Variants in MECR observed in about 807,000 individuals in gnomAD.
MECR encodes the protein enoyl-[acyl-carrier-protein] reductase, mitochondrial.
MECR carries 37 observed loss-of-function variants against 49.1 expected under a neutral mutation model. The observed-to-expected ratio is 0.75, with a 90% CI of 0.58 to 0.99. MECR has a LOEUF of 0.99. Ranked by LOEUF, MECR falls within the 50% of genes least tolerant of loss-of-function variation. The probability of loss-of-function intolerance (pLI) is 0.00; values close to 1 mark genes in which losing one functional copy is unlikely to be tolerated. For synonymous variants in MECR, 198 were observed against 191.1 expected, an observed-to-expected ratio of 1.04 and a Z score of -0.30; for missense variants, 470 against 479.6, an observed-to-expected ratio of 0.98 and a Z score of 0.19.
chr1:29,202,497 C>T (rs957277535), intron 5 of MECR, among the ~76,000 whole-genome samples: 8 of 152,044 alleles, frequency 5.3e-5, no homozygotes. Context: ...AAGCTGGTGT[C>T]GATTATACTA....
chr1:29,181,471 G>A, the MECR span, among the ~76,000 whole-genome samples: 2 of 152,196 alleles, frequency 1.3e-5, no homozygotes, highest in African/African-American at 4.8e-5. Context: ...CACCCGCGCA[G>A]GCGCAGTGGG....
At position 29,196,263 on chromosome 1, in the gene MECR, A is replaced by G. The variant is rs751829300; in HGVS notation, c.831-5T>C. On this transcript the variant is annotated splice_polypyrimidine_tract_variant and splice_region_variant and intron_variant, in intron 7 of 9. Transcript: ENST00000263702. ...GTTACCATGGTTCCTCCACGCCTGA[A>G]AAGTCCAAAGAGAACAAAGAGTGGA... 1 of 1,610,610 alleles carries G rather than the reference A, an allele frequency of 6.2e-7. No individual in the cohort carries two copies. The highest frequency in any genetic ancestry group is 8.5e-7 in the Non-Finnish European group (1 of 1,177,572).
chr1:29,187,193 C>T, the MECR span, among the ~76,000 whole-genome samples: 17 of 152,168 alleles, frequency 1.1e-4, no homozygotes, highest in African/African-American at 2.7e-4. Context: ...CAGCCTGGCA[C>T]ACACAGGTTA....
chr1:29,172,622 T>C, the MECR span: 1 of 152,192 alleles, frequency 6.6e-6, no homozygotes, highest in Admixed American at 6.5e-5. Context: ...TCCATGCTGT[T>C]GAAGTGCCCA....
At chr1:29,190,673 C>A (rs1553325782), downstream of MECR, among the ~76,000 whole-genome samples, 5 of 151,898 alleles carry the variant, frequency 3.3e-5, no homozygotes. Flanking sequence ...CAGGTAATCC[C>A]AGCTACTCGG....
rs549814501 is a variant in MECR, at chr1:29,212,799, T to G, written c.406+3206A>C. On this transcript the variant is annotated intron_variant, in intron 3 of 9. Coordinates refer to ENST00000263702, the MANE Select transcript of MECR (RefSeq NM_016011.5). ...CTCTCTGTTGGTACCCCTCGCACCG[T>G]GGATGCAGGACCGCTGGGACCCAGC... is the stretch of plus-strand genomic sequence containing the variant. 2.6e-5 allele frequency among the ~76,000 whole-genome samples: 4 copies of G among 152,330 alleles called. No individual in the cohort carries two copies. The East Asian group carries it at 7.7e-4, about 29-fold the overall frequency.
At chr1:29,183,573 G>A in the MECR span, among the ~76,000 whole-genome samples, 1 of 152,018 alleles carries the variant, frequency 6.6e-6, no homozygotes, top group South Asian at 2.1e-4. Flanking sequence ...ATCTCCAAGT[G>A]GTTTAATTTG....
chr1:29,184,162 G>A, the MECR span, among the ~76,000 whole-genome samples: 2 of 143,436 alleles, frequency 1.4e-5, no homozygotes, highest in South Asian at 4.4e-4. Context: ...ACAGGCGTGA[G>A]CCACTGTACC....
At chr1:29,229,205 AT>A (rs35185139) in intron 1 of MECR, among the ~76,000 whole-genome samples, 226 of 143,692 alleles carry the variant, frequency 1.6e-3, no homozygotes, top group Middle Eastern at 3.6e-3. Flanking sequence ...ATCTAGCTTG[AT>A]TTTTTTTTTT....
intron 7 of MECR, among the ~76,000 whole-genome samples, chr1:29,198,643 CTG>C (rs1324043362): frequency 6.6e-6 from 1 of 152,116 alleles, no homozygotes; most frequent in Non-Finnish European, 1.5e-5. Context: ...TTGAGACACA[CTG>C]TTTCTCTGAA....
chr1:29,213,837 ATGT>A (rs1370154448), intron 3 of MECR, among the ~76,000 whole-genome samples: 1 of 152,236 alleles, frequency 6.6e-6, no homozygotes, highest in Non-Finnish European at 1.5e-5. Flanking sequence ...TATCCATCTC[ATGT>A]TGTGGGAACA....
In MECR at chr1:29,201,879, C is replaced by A; in HGVS notation, c.756+64G>T. ...GGGCCAGTCCCCAGTTTCTCTAATG[C>A]ATGTCAACTTTCTTCAGGGAGATGT... is the stretch of plus-strand genomic sequence containing the variant. On this transcript the variant is annotated intron_variant, in intron 6 of 9. Coordinates refer to ENST00000263702, the MANE Select transcript of MECR (RefSeq NM_016011.5). This position sits in a 1 kb window ranked among gnomAD's most constrained non-coding sequence, Gnocchi z 4.3. 1 of 1,330,132 alleles carries A rather than the reference C, an allele frequency of 7.5e-7. No homozygotes were observed. The highest frequency in any genetic ancestry group is 1.7e-5 in the Admixed American group (1 of 58,654). 82.4% of individuals were successfully genotyped at this position (1,330,132 alleles called of 1,614,324 possible). A position where few individuals can be genotyped will look rare whatever the true frequency, so the allele number is the denominator to read the frequency against.
At chr1:29,175,133 T>C in the MECR span, among the ~76,000 whole-genome samples, 1 of 151,682 alleles carries the variant, frequency 6.6e-6, no homozygotes, top group Non-Finnish European at 1.5e-5. Context: ...ATAAAAAAAT[T>C]ATAATAGGCC....
intron 7 of MECR, 55 bp from the exon 8 acceptor site, chr1:29,196,313 C>A: frequency 6.7e-7 from 1 of 1,492,230 alleles, no homozygotes; most frequent in Non-Finnish European, 9.2e-7. Context: ...AGAGCCCTTC[C>A]TGAACCTGCC....
At position 29,216,642 on chromosome 1, in the gene MECR, G is replaced by A. The variant is rs779837718; in HGVS notation, c.220C>T (p.Arg74Cys). 4.3e-6 allele frequency: 7 copies of A among 1,614,164 alleles called. No individual in the cohort carries two copies. The highest frequency in any genetic ancestry group is 1.1e-5 in the South Asian group (1 of 91,072). Residue 74 changes from arginine to cysteine, a missense_variant, in exon 2 of 10, where the codon CGT becomes TGT. Arg to Cys is a radical substitution (Grantham distance 180). Transcript: ENST00000263702. ...ELAAVRGSDVRVKMLAAPINP... is the reference protein window; with the variant it reads ...ELAAVRGSDVCVKMLAAPINP... Reference sequence around the variant, plus strand: ...ATAGGGGCCGCCAGCATCTTCACACGGACATCTGATCCTCTCACAGCAGCT... The same window carrying A: ...ATAGGGGCCGCCAGCATCTTCACACAGACATCTGATCCTCTCACAGCAGCT...
At chr1:29,218,918 G>A (rs755678607) in intron 1 of MECR, among the ~76,000 whole-genome samples, 8 of 152,112 alleles carry the variant, frequency 5.3e-5, no homozygotes, top group Non-Finnish European at 7.4e-5. Context: ...CTATTGTTCT[G>A]CTTTTACAGC....
rs1296005560 is a variant in MECR at position 29,201,412 on chromosome 1, G to A, written c.756+531C>T. On this transcript the variant is annotated intron_variant, in intron 6 of 9. Coordinates refer to ENST00000263702, the MANE Select transcript of MECR (RefSeq NM_016011.5). The surrounding 1 kb of genome is among the most constrained non-coding windows in gnomAD (Gnocchi z 4.3). ...GGGTGGAGGTTCTGGAAGGTTAAGA[G>A]GCTTTGAGTTCGGAGAGACTGAGGC... The A allele has an allele frequency of 3.8e-6, 2 of 532,646 alleles. No individual in the cohort carries two copies. The highest frequency in any genetic ancestry group is 1.4e-5 in the South Asian group (1 of 71,268). 33.0% of individuals were successfully genotyped at this position (532,646 alleles called of 1,614,324 possible). A position where few individuals can be genotyped will look rare whatever the true frequency, so the allele number is the denominator to read the frequency against.
intron 4 of MECR, 70 bp from the exon 5 acceptor site, chr1:29,203,303 G>A: frequency 7.8e-7 from 1 of 1,282,384 alleles, no homozygotes; most frequent in Non-Finnish European, 1.1e-6. Flanking sequence ...CTCCCAGCCG[G>A]GGATCCTTCT....
intron 9 of MECR, 109 bp from the exon 10 acceptor site, chr1:29,194,288 CT>C: frequency 8.1e-7 from 1 of 1,232,918 alleles, no homozygotes; most frequent in South Asian, 1.5e-5. Context: ...CCAATAAAGC[CT>C]TGAGAGTCCT....
Sources: allele counts gnomAD v4.1 joint callset (sites outside exome capture counted in the v4.1 genomes callset), GRCh38; gene constraint gnomAD v4.1.1; non-coding constraint Gnocchi (gnomAD v3.1); transcripts MANE v1.5; gene names NCBI Gene and HGNC (gene_info 2026-07-23, HGNC 2026-07-21).